Variants in VPS13B observed in about 807,000 individuals in gnomAD.
VPS13B encodes the protein vacuolar protein sorting 13 homolog B, also known as intermembrane lipid transfer protein VPS13B.
Under a neutral mutation model 426.4 loss-of-function variants are expected in VPS13B, and 285 were observed. That is an observed-to-expected ratio of 0.67 (90% CI 0.61 to 0.74). VPS13B has a LOEUF of 0.74. Among genes scored for constraint, VPS13B ranks in the 30% least tolerant of loss-of-function variants. The pLI, the probability that VPS13B is intolerant of heterozygous loss-of-function variation, is 0.00. For synonymous variants in VPS13B, 1,676 were observed against 1,676.4 expected, an observed-to-expected ratio of 1.00 and a Z score of 0.01; for missense variants, 4,537 against 4,782.6, an observed-to-expected ratio of 0.95 and a Z score of 1.51.
intron 12 of VPS13B, among the ~76,000 whole-genome samples, chr8:99,138,346 T>C (rs527589245): frequency 6.6e-6 from 1 of 152,298 alleles, no homozygotes; most frequent in Admixed American, 6.5e-5. Context: ...AGGCTGGACT[T>C]GAACTCCTAA....
chr8:99,812,213 A>G (rs1254556603), intron 44 of VPS13B, among the ~76,000 whole-genome samples: 4 of 152,146 alleles, frequency 2.6e-5, no homozygotes, highest in African/African-American at 9.7e-5. Flanking sequence ...AAAAATGTTA[A>G]ATGTCTTTTT....
At chr8:99,411,640 G>A (rs1815669928) in intron 21 of VPS13B, among the ~76,000 whole-genome samples, 1 of 152,136 alleles carries the variant, frequency 6.6e-6, no homozygotes, top group African/African-American at 2.4e-5. Flanking sequence ...CTTTGCCCAT[G>A]CCTATGTCCT....
At chr8:99,066,806 GA>G (rs1023388802) in intron 3 of VPS13B, among the ~76,000 whole-genome samples, 2 of 152,026 alleles carry the variant, frequency 1.3e-5, no homozygotes, top group African/African-American at 4.8e-5. Flanking sequence ...AAATTTACAA[GA>G]AAAAAACAAT....
chr8:99,089,264 G>A (rs896924603), intron 3 of VPS13B, among the ~76,000 whole-genome samples: 1 of 152,052 alleles, frequency 6.6e-6, no homozygotes, highest in Non-Finnish European at 1.5e-5. Flanking sequence ...CATATTGAAA[G>A]TGTTACAATG....
intron 30 of VPS13B, among the ~76,000 whole-genome samples, chr8:99,534,432 A>G (rs1823087887): frequency 1.3e-5 from 2 of 152,170 alleles, no homozygotes; most frequent in African/African-American, 4.8e-5. Context: ...ACAGAATAAT[A>G]GAATGTTTGG....
chr8:99,712,563 A>T (rs1198977620), intron 36 of VPS13B, among the ~76,000 whole-genome samples: 1 of 152,112 alleles, frequency 6.6e-6, no homozygotes, highest in Non-Finnish European at 1.5e-5. Flanking sequence ...TCTGTTTCTG[A>T]AGCACATTGT....
intron 17 of VPS13B, among the ~76,000 whole-genome samples, chr8:99,232,638 G>A (rs1014655688): frequency 5.9e-5 from 9 of 152,128 alleles, no homozygotes; most frequent in South Asian, 2.1e-4. Flanking sequence ...TCTTACCATC[G>A]TCCCCTTCTA....
At chr8:99,659,536 A>G (rs765448427) in intron 34 of VPS13B, among the ~76,000 whole-genome samples, 52 of 152,184 alleles carry the variant, frequency 3.4e-4, no homozygotes, top group Non-Finnish European at 6.8e-4. Flanking sequence ...TAGTTAATGC[A>G]CGTTACCTCA....
intron 19 of VPS13B, among the ~76,000 whole-genome samples, chr8:99,356,434 G>T (rs1050833840): frequency 2.0e-5 from 3 of 152,182 alleles, no homozygotes; most frequent in African/African-American, 7.2e-5. Flanking sequence ...GATTGCTGGA[G>T]ACCAGGAATT....
At chr8:99,270,704 T>C (rs992103134) in intron 17 of VPS13B, among the ~76,000 whole-genome samples, 4 of 152,210 alleles carry the variant, frequency 2.6e-5, no homozygotes, top group Non-Finnish European at 5.9e-5. Flanking sequence ...TTTTAGTAGC[T>C]CTTGTTTGCT....
At chr8:99,813,774 A>G (rs1011211842) in intron 44 of VPS13B, among the ~76,000 whole-genome samples, 2 of 152,242 alleles carry the variant, frequency 1.3e-5, no homozygotes, top group African/African-American at 4.8e-5. Context: ...CCATTCAAAT[A>G]ATGCAAATTA....
In VPS13B at chr8:99,832,665, T is replaced by G. The variant is rs775652602; in HGVS notation, c.9614+13T>G. 5 of 1,612,582 alleles carry G rather than the reference T, an allele frequency of 3.1e-6. No homozygotes were observed. In the South Asian group the frequency reaches 5.5e-5, roughly 18 times the overall value. On this transcript the variant is annotated intron_variant, in intron 52 of 61. Coordinates refer to ENST00000357162, the MANE Select transcript of VPS13B (RefSeq NM_152564.5). The stretch of plus-strand genomic sequence containing the variant: ...GATTCTGTACCAGGTATTTTATGTT[T>G]ATATAAATGTCTGTTCTTCTTTGCT...
At chr8:99,243,433 G>A (rs184467758) in intron 17 of VPS13B, among the ~76,000 whole-genome samples, 1 of 152,146 alleles carries the variant, frequency 6.6e-6, no homozygotes, top group African/African-American at 2.4e-5. Context: ...AAGCTGTTCT[G>A]TGGTCAGGGT....
At chr8:99,818,959 TG>T in intron 47 of VPS13B, 71 bp downstream of exon 47, 4 of 115,058 alleles carry the variant, frequency 3.5e-5, no homozygotes, top group South Asian at 1.7e-4. Context: ...AACCTTGCAC[TG>T]GGGGGCGGCG....
Position 99,220,850 on chromosome 8 carries a change from C to T in VPS13B, c.2515+27793C>T, listed in dbSNP as rs1281021105. On this transcript the variant is annotated intron_variant, in intron 17 of 61. Transcript: ENST00000357162. The stretch of plus-strand genomic sequence containing the variant: ...ATGTGCACATTGTGCAGGTTAGTTA[C>T]ATATGTATACATGTGCCATGCTGGT... Among the ~76,000 whole-genome samples, 228 of 110,158 alleles carry T rather than the reference C, an allele frequency of 2.1e-3. 1 individual carries two copies. The highest frequency in any genetic ancestry group is 3.4e-3 in the Non-Finnish European group (193 of 56,950). The allele number at this position is 110,158 out of a possible 152,430, so 72.3% of individuals were successfully genotyped here. A position where few individuals can be genotyped will look rare whatever the true frequency, so the allele number is the denominator to read the frequency against.
intron 3 of VPS13B, among the ~76,000 whole-genome samples, chr8:99,050,176 G>C (rs763600003): frequency 6.6e-6 from 1 of 151,476 alleles, no homozygotes; most frequent in African/African-American, 2.4e-5. Flanking sequence ...TAATGCTATC[G>C]CTCCCCCCTC....
chr8:99,736,164 G>T (rs892917334), intron 39 of VPS13B, among the ~76,000 whole-genome samples: 2 of 152,184 alleles, frequency 1.3e-5, no homozygotes, highest in African/African-American at 4.8e-5. Context: ...AGAAAGTTAC[G>T]AATTTAGTTT....
At chr8:99,467,359 A>G in intron 23 of VPS13B, 55 bp from the exon 24 acceptor site, 1 of 1,526,560 alleles carries the variant, frequency 6.6e-7, no homozygotes, top group East Asian at 2.3e-5. Context: ...TCAAGTGAAA[A>G]TTAATTGTCT....
intron 33 of VPS13B, among the ~76,000 whole-genome samples, chr8:99,597,532 G>A (rs1378729967): frequency 6.6e-6 from 1 of 151,992 alleles, no homozygotes; most frequent in African/African-American, 2.4e-5. Context: ...TCAATGAGGT[G>A]TAAAGAGAAG....
Sources: allele counts gnomAD v4.1 joint callset (sites outside exome capture counted in the v4.1 genomes callset), GRCh38; gene constraint gnomAD v4.1.1; transcripts MANE v1.5; gene names NCBI Gene and HGNC (gene_info 2026-07-23, HGNC 2026-07-21).